Variants in RIOX1 observed in about 807,000 individuals in gnomAD.
RIOX1 encodes ribosomal oxygenase 1.
Under a neutral mutation model 44.6 loss-of-function variants are expected in RIOX1, and 33 were observed. The ratio of observed to expected loss-of-function variants is 0.74; its 90% CI spans 0.56 to 0.99. The LOEUF is 0.99. Among genes scored for constraint, RIOX1 ranks in the 50% least tolerant of loss-of-function variants. The pLI is 0.00. For synonymous variants in RIOX1, 387 were observed against 395.8 expected (o/e 0.98, Z 0.26); for missense variants, 821 against 871.7 (o/e 0.94, Z 0.73).
Position 73,491,054 on chromosome 14 carries a change from CGCGG to C in RIOX1, c.42_45del (p.Pro16SerfsTer18). ...CCAGGCCAGTGCAGGGCCGTTGAGGCGCGGGCGGCCGAAGCGCCGGCGCAAGCCC... is the reference window on the plus strand; with the variant it reads ...CCAGGCCAGTGCAGGGCCGTTGAGGCGCGGCCGAAGCGCCGGCGCAAGCCC... On this transcript the variant is annotated frameshift_variant, in exon 1 of 1. Coordinates refer to ENST00000304061, the MANE Select transcript of RIOX1 (RefSeq NM_024644.5). LOFTEE classifies it high-confidence loss of function. 1.3e-6 allele frequency: 2 copies of C among 1,589,106 alleles called. No homozygotes were observed. The highest frequency in any genetic ancestry group is 1.7e-6 in the Non-Finnish European group (2 of 1,167,656).
Position 73,491,406 on chromosome 14 carries a change from C to G in RIOX1, c.389C>G (p.Ala130Gly). The G allele has an allele frequency of 7.4e-7, 1 of 1,345,378 alleles. No homozygotes were observed. The highest frequency in any genetic ancestry group is 9.5e-7 in the Non-Finnish European group (1 of 1,057,178). 83.3% of individuals were successfully genotyped at this position (1,345,378 alleles called of 1,614,324 possible). The change falls in exon 1 of 1, where the codon GCG becomes GGG. Residue 130 changes from alanine to glycine, a missense_variant. Physicochemically the swap from Ala to Gly is moderately conservative, Grantham distance 60. Coordinates refer to ENST00000304061, the MANE Select transcript of RIOX1 (RefSeq NM_024644.5). Reference sequence around the variant, plus strand: ...CTGGTGCCCGCTTCCGCGCCGCCCGCGCGCCTGGTGGAGGTGCCCGCCGCG... The same window carrying G: ...CTGGTGCCCGCTTCCGCGCCGCCCGGGCGCCTGGTGGAGGTGCCCGCCGCG... Reference protein sequence around the residue: ...ARLVPASAPPARLVEVPAAPV... With the variant: ...ARLVPASAPPGRLVEVPAAPV...
Position 73,491,560 on chromosome 14 carries a change from G to T in RIOX1, c.543G>T (p.Trp181Cys), listed in dbSNP as rs1347356821. ...ATAACACGGGTGGGGAGCCGGCCTGGGACTCCCCGCTGCGGCGCGTCTTGG... is the reference window on the plus strand; with the variant it reads ...ATAACACGGGTGGGGAGCCGGCCTGTGACTCCCCGCTGCGGCGCGTCTTGG... ...QVDNTGGEPA[W>C]DSPLRRVLAE... The change falls in exon 1 of 1, where the codon TGG becomes TGT. Residue 181 changes from tryptophan to cysteine, a missense_variant. By Grantham distance (215) the Trp-to-Cys change is radical (BLOSUM62 -2). Coordinates refer to ENST00000304061, the MANE Select transcript of RIOX1 (RefSeq NM_024644.5). 29 of 1,539,538 alleles carry T rather than the reference G, an allele frequency of 1.9e-5. No homozygotes were observed. Among genetic ancestry groups the T allele is most frequent in the Non-Finnish European group, 2.5e-5 (29 of 1,144,724 alleles).
In RIOX1 at chr14:73,493,019, T is replaced by C. The variant is rs367892289; in HGVS notation, c.*76T>C. ...GCTACCTTTTTTTTTTTTTTTTCCT[T>C]AAACTCACGTTCTTACCTTGATAAG... On this transcript the variant is annotated 3_prime_UTR_variant, in exon 1 of 1. Transcript: ENST00000304061. 20 of 1,407,354 alleles carry C rather than the reference T, an allele frequency of 1.4e-5. No homozygotes were observed. The African/African-American group carries it at 2.7e-4, about 19-fold the overall frequency. 87.2% of individuals were successfully genotyped at this position (1,407,354 alleles called of 1,614,324 possible).
In RIOX1 at chr14:73,493,345, G is replaced by T; in HGVS notation, c.*402G>T. ...CGGGGTCAGTATCCTGTTTGTTATT[G>T]TTAAATTTGTATGAACCTTAGAAAA... On this transcript the variant is annotated 3_prime_UTR_variant, in exon 1 of 1. Coordinates refer to ENST00000304061, the MANE Select transcript of RIOX1 (RefSeq NM_024644.5). 1 of 498,008 alleles carries T rather than the reference G, an allele frequency of 2.0e-6. No homozygotes were observed. The highest frequency in any genetic ancestry group is 3.4e-5 in the South Asian group (1 of 29,572). 30.8% of individuals were successfully genotyped at this position (498,008 alleles called of 1,614,324 possible).
rs1451622753 is a variant in RIOX1, at chr14:73,491,294, C to G, written c.277C>G (p.Arg93Gly). The G allele has an allele frequency of 6.5e-7, 1 of 1,543,020 alleles. No individual in the cohort carries two copies. Among genetic ancestry groups the G allele is most frequent in the East Asian group, 2.5e-5 (1 of 40,178 alleles). Residue 93 changes from arginine (R) to glycine (G), a missense_variant, in exon 1 of 1, where the codon CGG becomes GGG. Around this residue, in one of 2 missense-constraint regions of RIOX1, gnomAD observed 554 missense variants for 531.2 expected, o/e 1.04. Transcript: ENST00000304061. ...AAVAAVPDAA[R>G]REPYGHLGPA... The stretch of plus-strand genomic sequence containing the variant: ...GGTGGCGGCCGTCCCGGACGCAGCC[C>G]GGCGAGAGCCATACGGCCACCTGGG...
chr14:73,491,558 T>C lies in RIOX1; in HGVS notation c.541T>C (p.Trp181Arg). The C allele has an allele frequency of 1.3e-6, 2 of 1,539,202 alleles. No individual in the cohort carries two copies. Among genetic ancestry groups the C allele is most frequent in the African/African-American group, 1.4e-5 (1 of 72,966 alleles). ...QVDNTGGEPAWDSPLRRVLAE... is the reference protein window; with the variant it reads ...QVDNTGGEPARDSPLRRVLAE... ...GGATAACACGGGTGGGGAGCCGGCC[T>C]GGGACTCCCCGCTGCGGCGCGTCTT... is the stretch of plus-strand genomic sequence containing the variant. The change falls in exon 1 of 1, where the codon TGG (tryptophan) becomes CGG (arginine). Residue 181 changes from tryptophan (W) to arginine (R), a missense_variant. Coordinates refer to ENST00000304061, the MANE Select transcript of RIOX1 (RefSeq NM_024644.5).
In RIOX1 at chr14:73,491,487, C is replaced by T. The variant is rs1429998853; in HGVS notation, c.470C>T (p.Ala157Val). Residue 157 changes from alanine to valine, a missense_variant, in exon 1 of 1, where the codon GCC (alanine) becomes GTC (valine). By Grantham distance (64) the Ala-to-Val change is moderately conservative. Transcript: ENST00000304061. ...CTGTGCACCGCGCAACACTTAGCGG[C>T]CGTCCAGTCGTCCGGGGCCCCTGCG... ...ALLCTAQHLA[A>V]VQSSGAPATA... 1 of 1,501,244 alleles carries T rather than the reference C, an allele frequency of 6.7e-7. No homozygotes were observed. Among genetic ancestry groups the T allele is most frequent in the South Asian group, 1.3e-5 (1 of 78,232 alleles). The allele number at this position is 1,501,244 out of a possible 1,614,324, so 93.0% of individuals were successfully genotyped here. A position where few individuals can be genotyped will look rare whatever the true frequency, so the allele number is the denominator to read the frequency against.
In RIOX1 at chr14:73,492,099, G is replaced by A. The variant is rs753234159; in HGVS notation, c.1082G>A (p.Arg361Gln). ...LEGRKLWRVY[R>Q]PRVPTEELAL... ...GGTAGGAAACTCTGGCGTGTATACC[G>A]ACCCCGAGTCCCAACCGAGGAACTG... Residue 361 changes from arginine to glutamine, a missense_variant, in exon 1 of 1, where the codon CGA becomes CAA. Arg to Gln is a conservative substitution (Grantham distance 43). Around this residue, in one of 2 missense-constraint regions of RIOX1, gnomAD observed 554 missense variants for 531.2 expected, o/e 1.04. Coordinates refer to ENST00000304061, the MANE Select transcript of RIOX1 (RefSeq NM_024644.5). The surrounding 1 kb of genome is among the most constrained non-coding windows in gnomAD (Gnocchi z 4.9). The A allele has an allele frequency of 8.1e-6, 13 of 1,613,882 alleles. No homozygotes were observed. The South Asian group carries it at 1.4e-4, about 18-fold the overall frequency.
Position 73,491,173 on chromosome 14 carries a change from G to T in RIOX1, c.156G>T (p.Ala52=). 1 of 1,601,890 alleles carries T rather than the reference G, an allele frequency of 6.2e-7. No individual in the cohort carries two copies. Among genetic ancestry groups the T allele is most frequent in the Non-Finnish European group, 8.5e-7 (1 of 1,174,388 alleles). The part of the protein sequence containing the change: ...QLRSVVSRMA[A]LRTQTLPSEN... ...GAAGTGTTGTATCCCGCATGGCAGC[G>T]CTGAGGACGCAGACGCTGCCTAGCG... The change falls in exon 1 of 1, where the codon GCG becomes GCT. Residue 52 remains alanine (A), a synonymous_variant. Transcript: ENST00000304061.
chr14:73,491,537 A>C lies in RIOX1; in HGVS notation c.520A>C (p.Asn174His). 3 of 1,530,554 alleles carry C rather than the reference A, an allele frequency of 2.0e-6. No individual in the cohort carries two copies. The South Asian group carries it at 3.6e-5, about 19-fold the overall frequency. The allele number at this position is 1,530,554 out of a possible 1,614,324, so 94.8% of individuals were successfully genotyped here. The change falls in exon 1 of 1, where the codon AAC (asparagine) becomes CAC (histidine). Residue 174 changes from asparagine (N) to histidine (H), a missense_variant. Physicochemically the swap from Asn to His is moderately conservative, Grantham distance 68. Transcript: ENST00000304061. ...PATASGPQVD[N>H]TGGEPAWDSP... is the part of the protein sequence containing the mutation. ...GACGGCGTCGGGGCCGCAGGTGGAT[A>C]ACACGGGTGGGGAGCCGGCCTGGGA... is the stretch of plus-strand genomic sequence containing the variant.
At position 73,491,368 on chromosome 14, in the gene RIOX1, C is replaced by A; in HGVS notation, c.351C>A (p.Thr117=). The A allele has an allele frequency of 7.3e-7, 1 of 1,366,908 alleles. No homozygotes were observed. The highest frequency in any genetic ancestry group is 9.4e-7 in the Non-Finnish European group (1 of 1,066,146). The allele number at this position is 1,366,908 out of a possible 1,614,324, so 84.7% of individuals were successfully genotyped here. A position where few individuals can be genotyped will look rare whatever the true frequency, so the allele number is the denominator to read the frequency against. ...CGCCCGCCGCGCGCTCCCTGCAGACCCCGTCGGCGCGCCTGGTGCCCGCTT... is the reference window on the plus strand; with the variant it reads ...CGCCCGCCGCGCGCTCCCTGCAGACACCGTCGGCGCGCCTGGTGCCCGCTT... ...EASPAARSLQ[T]PSARLVPASA... is the part of the protein sequence containing the mutation. The change falls in exon 1 of 1, where the codon ACC becomes ACA. Residue 117 remains threonine, a synonymous_variant. Coordinates refer to ENST00000304061, the MANE Select transcript of RIOX1 (RefSeq NM_024644.5).
rs1885828349 is a variant in RIOX1 at position 73,492,392 on chromosome 14, A to G, written c.1375A>G (p.Met459Val). 14 of 1,613,724 alleles carry G rather than the reference A, an allele frequency of 8.7e-6. No individual in the cohort carries two copies. The highest frequency in any genetic ancestry group is 1.2e-5 in the Non-Finnish European group (14 of 1,179,778). ...EFRRGLPRDFMDYMGAQHSDS... is the reference protein window; with the variant it reads ...EFRRGLPRDFVDYMGAQHSDS... ...TCGGAGGGGTCTGCCCCGAGACTTCATGGATTACATGGGGGCCCAGCATTC... is the reference window on the plus strand; with the variant it reads ...TCGGAGGGGTCTGCCCCGAGACTTCGTGGATTACATGGGGGCCCAGCATTC... Residue 459 changes from methionine to valine, a missense_variant, in exon 1 of 1, where the codon ATG becomes GTG. Coordinates refer to ENST00000304061, the MANE Select transcript of RIOX1 (RefSeq NM_024644.5). The surrounding 1 kb of genome is among the most constrained non-coding windows in gnomAD (Gnocchi z 4.9).
rs1460955387 is a variant in RIOX1, at chr14:73,492,665, A to G, written c.1648A>G (p.Met550Val). 3 of 1,613,878 alleles carry G rather than the reference A, an allele frequency of 1.9e-6. No homozygotes were observed. Among genetic ancestry groups the G allele is most frequent in the Admixed American group, 3.3e-5 (2 of 60,002 alleles). The change falls in exon 1 of 1, where the codon ATG (methionine) becomes GTG (valine). Residue 550 changes from methionine to valine, a missense_variant. By Grantham distance (21) the Met-to-Val change is conservative. This residue lies in a region of RIOX1 where 267 missense variants were observed against 340.5 expected (regional missense o/e 0.78). Transcript: ENST00000304061. The surrounding 1 kb of genome is among the most constrained non-coding windows in gnomAD (Gnocchi z 4.9). ...GTTGACAACAGAAACAGAAGTCCATATGCTTCAGGATGGGATAGCTCGGCT... is the reference window on the plus strand; with the variant it reads ...GTTGACAACAGAAACAGAAGTCCATGTGCTTCAGGATGGGATAGCTCGGCT... The part of the protein sequence containing the change: ...AQLTTETEVH[M>V]LQDGIARLVG...
In RIOX1 at chr14:73,491,227, G is replaced by C. The variant is rs377026015; in HGVS notation, c.210G>C (p.Ser70=). ...ACTCGGAGGAATCGAGGGTGGAGTC[G>C]ACGGCCGACGACCTGGGGGACGCGC... ...SENSEESRVE[S]TADDLGDALP... The change falls in exon 1 of 1, where the codon TCG becomes TCC. Residue 70 remains serine, a synonymous_variant. Coordinates refer to ENST00000304061, the MANE Select transcript of RIOX1 (RefSeq NM_024644.5). The C allele has an allele frequency of 3.4e-5, 54 of 1,591,038 alleles. No homozygotes were observed. Among genetic ancestry groups the C allele is most frequent in the Non-Finnish European group, 4.5e-5 (52 of 1,166,804 alleles).
Position 73,493,144 on chromosome 14 carries a change from G to C in RIOX1, c.*201G>C. 6.2e-7 allele frequency: 1 copy of C among 1,607,740 alleles called. No homozygotes were observed. Among genetic ancestry groups the C allele is most frequent in the South Asian group, 1.1e-5 (1 of 90,302 alleles). ...TCTCATCTAGGTACAAAAGGAAAAG[G>C]AGAAGTTGGAGGTGGAAAAAAAACC... On this transcript the variant is annotated 3_prime_UTR_variant, in exon 1 of 1. Coordinates refer to ENST00000304061, the MANE Select transcript of RIOX1 (RefSeq NM_024644.5).
At position 73,491,792 on chromosome 14, in the gene RIOX1, G is replaced by T. The variant is rs757644921; in HGVS notation, c.775G>T (p.Gly259Cys). 6.3e-7 allele frequency: 1 copy of T among 1,588,596 alleles called. No individual in the cohort carries two copies. Among genetic ancestry groups the T allele is most frequent in the Non-Finnish European group, 8.6e-7 (1 of 1,168,446 alleles). ...GCTGCGCAACGAGGAGGTGCAGTTC[G>T]GCCAGCATTTGGACGCCGCTCGCTA... ...SMLRNEEVQF[G>C]QHLDAARYIN... The change falls in exon 1 of 1, where the codon GGC (glycine) becomes TGC (cysteine). Residue 259 changes from glycine (G) to cysteine (C), a missense_variant. Physicochemically the swap from Gly to Cys is radical, Grantham distance 159. Around this residue, in one of 2 missense-constraint regions of RIOX1, gnomAD observed 554 missense variants for 531.2 expected, o/e 1.04. Coordinates refer to ENST00000304061, the MANE Select transcript of RIOX1 (RefSeq NM_024644.5).
rs753252169 is a variant in RIOX1 at position 73,490,971 on chromosome 14, G to A, written c.-47G>A. 4 of 1,313,348 alleles carry A rather than the reference G, an allele frequency of 3.0e-6. No individual in the cohort carries two copies. The highest frequency in any genetic ancestry group is 3.1e-5 in the East Asian group (1 of 32,450). 81.4% of individuals were successfully genotyped at this position (1,313,348 alleles called of 1,614,324 possible). On this transcript the variant is annotated 5_prime_UTR_variant, in exon 1 of 1. Transcript: ENST00000304061. ...GCCGCTGCATTCAGGAACCGCTTTA[G>A]CTTCGCCCCCGGCCGGCCGGGCGGG...
chr14:73,492,058 C>T lies in RIOX1; in HGVS notation c.1041C>T (p.Phe347=), dbSNP rs2140249889. The T allele has an allele frequency of 6.2e-7, 1 of 1,613,996 alleles. No individual in the cohort carries two copies. Among genetic ancestry groups the T allele is most frequent in the Non-Finnish European group, 8.5e-7 (1 of 1,179,890 alleles). ...CCCACTACGACGACATCGAGGCCTT[C>T]GTGCTGCAGCTGGAAGGTAGGAAAC... The part of the protein sequence containing the change: ...FAPHYDDIEA[F]VLQLEGRKLW... Residue 347 remains phenylalanine (F), a synonymous_variant, in exon 1 of 1, where the codon TTC becomes TTT. Coordinates refer to ENST00000304061, the MANE Select transcript of RIOX1 (RefSeq NM_024644.5). The surrounding 1 kb of genome is among the most constrained non-coding windows in gnomAD (Gnocchi z 4.9).
Position 73,491,847 on chromosome 14 carries a change from C to A in RIOX1, c.830C>A (p.Pro277Gln). 1 of 1,609,552 alleles carries A rather than the reference C, an allele frequency of 6.2e-7. No individual in the cohort carries two copies. The highest frequency in any genetic ancestry group is 2.2e-5 in the East Asian group (1 of 44,586). The change falls in exon 1 of 1, where the codon CCA becomes CAA. Residue 277 changes from proline (P) to glutamine (Q), a missense_variant. Pro to Gln is a moderately conservative substitution (Grantham distance 76). Transcript: ENST00000304061. The stretch of plus-strand genomic sequence containing the variant: ...AACGGACGACGCGAGACCCTGAACC[C>A]ACCCGGCCGCGCGCTGCCCGCCGCC... Reference protein sequence around the residue: ...YINGRRETLNPPGRALPAAAW... With the variant: ...YINGRRETLNQPGRALPAAAW...
Sources: allele counts gnomAD v4.1 joint callset, GRCh38; gene constraint gnomAD v4.1.1; regional missense constraint gnomAD v4.1.1; non-coding constraint Gnocchi (gnomAD v3.1); transcripts MANE v1.5; gene names NCBI Gene and HGNC (gene_info 2026-07-23, HGNC 2026-07-21).